The following NEDD4 variants were observed in gnomAD, a reference collection of about 807,000 sequenced individuals.
The protein encoded by NEDD4 is NEDD4 E3 ubiquitin protein ligase, also known as E3 ubiquitin-protein ligase NEDD4.
In NEDD4, 99 loss-of-function variants were observed where a neutral mutation model predicts 144.9. That is an observed-to-expected ratio of 0.68 (90% CI 0.58 to 0.81). The LOEUF is 0.81. Ranked by LOEUF, NEDD4 falls within the 30% of genes least tolerant of loss-of-function variation. The probability of loss-of-function intolerance (pLI) is 0.00; values close to 1 mark genes in which losing one functional copy is unlikely to be tolerated. For synonymous variants in NEDD4, 318 were observed against 350.6 expected, an observed-to-expected ratio of 0.91 and a Z score of 1.04; for missense variants, 985 against 1,065.9, an observed-to-expected ratio of 0.92 and a Z score of 1.06.
At chr15:55,963,128 C>CTTTTTTTTTT (rs754905603) in intron 2 of NEDD4, among the ~76,000 whole-genome samples, 1 of 142,760 alleles carries the variant, frequency 7.0e-6, no homozygotes, top group African/African-American at 2.6e-5. Context: ...TTCTGGCACT[C>CTTTTTTTTTT]TTTTTTATTT....
chr15:55,983,309 C>T (rs116540137), intron 1 of NEDD4, among the ~76,000 whole-genome samples: 44 of 152,194 alleles, frequency 2.9e-4, no homozygotes, highest in African/African-American at 1.0e-3. Context: ...TGCGTGCGCG[C>T]GCGTGCGTGC....
chr15:55,894,852 A>C (rs748854523), intron 5 of NEDD4, among the ~76,000 whole-genome samples: 8 of 152,236 alleles, frequency 5.3e-5, no homozygotes, highest in Non-Finnish European at 8.8e-5. Context: ...GTCCGTATCA[A>C]ATATAAATAG....
chr15:55,856,373 C>A (rs1187813981), intron 11 of NEDD4, among the ~76,000 whole-genome samples, 177 bp from the exon 12 acceptor site: 3 of 152,110 alleles, frequency 2.0e-5, no homozygotes, highest in African/African-American at 4.8e-5. Flanking sequence ...ACGTGGACAC[C>A]TTCACACATC....
rs1173281061 is a variant in NEDD4 at position 55,848,542 on chromosome 15, T to C, written c.1462A>G (p.Arg488Gly). 1.2e-6 allele frequency: 2 copies of C among 1,613,734 alleles called. No homozygotes were observed. The highest frequency in any genetic ancestry group is 2.2e-5 in the South Asian group (2 of 91,066). ...ATACTGTGATTTATGTAGAAGATTC[T>C]TCCATCTGTGTGAGTTCTCTCTTCC... ...GWEERTHTDG[R>G]IFYINHNIKR... Residue 488 changes from arginine to glycine, a missense_variant, in exon 16 of 29, where the codon AGA becomes GGA. Arg to Gly is a moderately radical substitution (Grantham distance 125, BLOSUM62 -2). Coordinates refer to ENST00000435532, the MANE Select transcript of NEDD4 (RefSeq NM_006154.4).
intron 1 of NEDD4, among the ~76,000 whole-genome samples, chr15:55,977,737 G>GT (rs61351311): frequency 0.035 from 5,187 of 147,652 alleles, 106 homozygotes; most frequent in Admixed American, 0.059. Flanking sequence ...ATTTAATCTT[G>GT]TTTTTTTTTT....
chr15:55,974,048 A>C (rs1362573801), intron 1 of NEDD4, among the ~76,000 whole-genome samples: 2 of 152,140 alleles, frequency 1.3e-5, no homozygotes, highest in African/African-American at 4.8e-5. Context: ...CTAAGGAGAG[A>C]AGGCCCAAAT....
chr15:55,981,905 T>G (rs1256479764), intron 1 of NEDD4, among the ~76,000 whole-genome samples: 1 of 152,218 alleles, frequency 6.6e-6, no homozygotes, highest in East Asian at 1.9e-4. Flanking sequence ...ATTCCTCATT[T>G]AAAATACTAG....
chr15:55,890,840 G>A (rs1008230370), intron 5 of NEDD4, among the ~76,000 whole-genome samples: 1 of 152,050 alleles, frequency 6.6e-6, no homozygotes, highest in Non-Finnish European at 1.5e-5. Context: ...CTTCTTAGTG[G>A]GTGTGACGTA....
chr15:55,975,912 G>A (rs1054570991), intron 1 of NEDD4, among the ~76,000 whole-genome samples: 10 of 152,124 alleles, frequency 6.6e-5, no homozygotes, highest in African/African-American at 2.2e-4. Flanking sequence ...ACACAACATG[G>A]TATTGGCATA....
chr15:55,943,824 G>A (rs968288840), intron 4 of NEDD4, among the ~76,000 whole-genome samples: 5 of 152,160 alleles, frequency 3.3e-5, no homozygotes, highest in Non-Finnish European at 4.4e-5. Context: ...TTGACTAACC[G>A]CTTGCACTGT....
chr15:55,830,848 C>T (rs2032915412), intron 27 of NEDD4, among the ~76,000 whole-genome samples: 1 of 152,140 alleles, frequency 6.6e-6, no homozygotes, highest in African/African-American at 2.4e-5. Context: ...TACAGGTGTG[C>T]ACCACCACGC....
intron 11 of NEDD4, among the ~76,000 whole-genome samples, chr15:55,858,995 C>T (rs1595758850): frequency 1.3e-5 from 2 of 152,192 alleles, no homozygotes; most frequent in South Asian, 4.1e-4. Flanking sequence ...AGTTTGCTTT[C>T]CTCTGCACTA....
At chr15:55,859,585 T>C (rs529223615) in intron 11 of NEDD4, among the ~76,000 whole-genome samples, 1 of 152,260 alleles carries the variant, frequency 6.6e-6, no homozygotes, top group South Asian at 2.1e-4. Context: ...TAATCTCAGC[T>C]ATTCAGGAGG....
Position 55,966,506 on chromosome 15 carries a change from A to G in NEDD4, c.86T>C (p.Ile29Thr), listed in dbSNP as rs372550422. The G allele has an allele frequency of 2.7e-5, 42 of 1,536,298 alleles. No homozygotes were observed. The highest frequency in any genetic ancestry group is 3.7e-5 in the Non-Finnish European group (42 of 1,141,730). Residue 29 changes from isoleucine (I) to threonine (T), a missense_variant, in exon 2 of 29, where the codon ATA becomes ACA. Coordinates refer to ENST00000435532, the MANE Select transcript of NEDD4 (RefSeq NM_006154.4). ...CAATATATCCTTCTTGGCAAGGCCTATTCCGGCTATAACTCTTACTCTCAC... is the reference window on the plus strand; with the variant it reads ...CAATATATCCTTCTTGGCAAGGCCTGTTCCGGCTATAACTCTTACTCTCAC... ...RIVRVRVIAG[I>T]GLAKKDILGA...
chr15:55,886,027 G>A (rs140828345), intron 5 of NEDD4, among the ~76,000 whole-genome samples: 2 of 151,822 alleles, frequency 1.3e-5, no homozygotes, highest in African/African-American at 4.8e-5. Context: ...TCATTAAAAC[G>A]GAAATCAAAA....
In NEDD4 at chr15:55,871,899, T is replaced by TA. The variant is rs539819689; in HGVS notation, c.404+515dup. 7.2e-5 allele frequency among the ~76,000 whole-genome samples: 11 copies of TA among 152,320 alleles called. No individual in the cohort carries two copies. The South Asian group carries it at 2.3e-3, about 32-fold the overall frequency. On this transcript the variant is annotated intron_variant, in intron 7 of 28. Coordinates refer to ENST00000435532, the MANE Select transcript of NEDD4 (RefSeq NM_006154.4). ...AGGAGTTTTAGTTACAGCTTAAATTTAAATTTTTTTGATAAACATCAAGTA... is the reference window on the plus strand; with the variant it reads ...AGGAGTTTTAGTTACAGCTTAAATTTAAAATTTTTTTGATAAACATCAAGTA...
intron 26 of NEDD4, 65 bp downstream of exon 26, chr15:55,833,973 G>A: frequency 5.3e-6 from 6 of 1,133,262 alleles, no homozygotes; most frequent in Non-Finnish European, 7.8e-6. Flanking sequence ...AGTTAATCAA[G>A]AGTTGACTTA....
chr15:55,990,031 A>G (rs1373131880), intron 1 of NEDD4, among the ~76,000 whole-genome samples: 2 of 151,948 alleles, frequency 1.3e-5, no homozygotes, highest in Admixed American at 6.6e-5. Context: ...ACCCCTTATA[A>G]GAATCTAATG....
chr15:55,921,852 C>T (rs2036574269), intron 5 of NEDD4, among the ~76,000 whole-genome samples: 1 of 152,118 alleles, frequency 6.6e-6, no homozygotes. Flanking sequence ...CCATTCTGGC[C>T]ATTAAGAAAG....
Sources: gnomAD v4.1 joint callset for allele counts (sites outside exome capture counted in the v4.1 genomes callset) on GRCh38, gnomAD v4.1.1 for gene constraint, MANE v1.5 for transcripts, NCBI Gene and HGNC (gene_info 2026-07-23, HGNC 2026-07-21) for gene names.